The following PHYKPL variants were observed in gnomAD, a reference collection of about 807,000 sequenced individuals.
PHYKPL encodes 5-phosphohydroxy-L-lysine phospho-lyase.
PHYKPL carries 42 observed loss-of-function variants against 51.3 expected under a neutral mutation model. That is an observed-to-expected ratio of 0.82 (90% CI 0.64 to 1.06). The LOEUF is 1.06. PHYKPL is among the 50% of genes least tolerant of loss of function. The pLI is 0.00. For missense variants in PHYKPL, 655 were observed against 586.6 expected (o/e 1.12, Z -1.20); for synonymous variants, 264 against 236.0 (o/e 1.12, Z -1.09).
chr5:178,225,455 T>C, intron 3 of PHYKPL, 26 bp from the exon 4 acceptor site: 1 of 1,613,372 alleles, frequency 6.2e-7, no homozygotes, highest in Non-Finnish European at 8.5e-7. Context: ...TGGGCATGAC[T>C]GAGAGAGTAG....
chr5:178,224,475 G>A lies in PHYKPL; in HGVS notation c.591C>T (p.Val197=). ...TCCTGCCCTTCTCCTGTGCACTGCT[G>A]ACCACACGTTTCACCTCGTTGGCAT... ...MAYANEVKRV[V]SSAQEKGRKI... is the part of the protein sequence containing the mutation. The change falls in exon 6 of 13, where the codon GTC becomes GTT. Residue 197 remains valine, a synonymous_variant. Transcript: ENST00000308158. 1 of 1,603,642 alleles carries A rather than the reference G, an allele frequency of 6.2e-7. No individual in the cohort carries two copies. The highest frequency in any genetic ancestry group is 8.5e-7 in the Non-Finnish European group (1 of 1,174,282).
intron 2 of PHYKPL, 122 bp from the exon 3 acceptor site, chr5:178,230,221 G>A (rs1763107718): frequency 7.9e-7 from 1 of 1,270,204 alleles, no homozygotes; most frequent in Non-Finnish European, 1.1e-6. Context: ...GAGGTAGAAA[G>A]AGGGCAGTCT....
intron 3 of PHYKPL, 110 bp downstream of exon 3, chr5:178,229,830 C>A: frequency 7.2e-7 from 1 of 1,387,970 alleles, no homozygotes. Flanking sequence ...GCAGTGGGGG[C>A]TGCCTCTCCG....
intron 12 of PHYKPL, chr5:178,210,226 C>T: frequency 1.2e-6 from 2 of 1,613,170 alleles, no homozygotes; most frequent in South Asian, 1.1e-5. Context: ...GCGGCTACGA[C>T]TACTCGCCCT....
chr5:178,214,957 C>A, intron 9 of PHYKPL, 72 bp from the exon 10 acceptor site: 2 of 1,425,032 alleles, frequency 1.4e-6, no homozygotes, highest in Non-Finnish European at 9.7e-7. Flanking sequence ...AGCCTCTGGG[C>A]TCCTACCTGT....
intron 8 of PHYKPL, among the ~76,000 whole-genome samples, chr5:178,220,082 G>T (rs1436032483): frequency 6.6e-6 from 1 of 151,354 alleles, no homozygotes; most frequent in East Asian, 2.0e-4. Context: ...GTGGTCCCAG[G>T]TACTTGGCAG....
chr5:178,212,876 GGA>G (rs1345436496), intron 11 of PHYKPL, 95 bp downstream of exon 11: 7 of 1,515,424 alleles, frequency 4.6e-6, no homozygotes, highest in Non-Finnish European at 6.2e-6. Flanking sequence ...CTCTGCTCTT[GGA>G]CTCTTGTCCC....
Position 178,217,960 on chromosome 5 carries a change from G to A in PHYKPL, c.928-2530C>T, listed in dbSNP as rs192862225. Among the ~76,000 whole-genome samples the A allele has an allele frequency of 2.6e-3, 400 of 151,032 alleles. 1 individual carries two copies. The highest frequency in any genetic ancestry group is 7.2e-3 in the African/African-American group (296 of 41,156). ...TGTCTGGGCGCGGTGGCTCACGCCT[G>A]TAATCCCAGCACTTTGGGAGGCCGA... On this transcript the variant is annotated intron_variant, in intron 8 of 12. Transcript: ENST00000308158.
chr5:178,214,890 A>C lies in PHYKPL; in HGVS notation c.1083-5T>G. The C allele has an allele frequency of 6.2e-7, 1 of 1,613,182 alleles. No individual in the cohort carries two copies. Among genetic ancestry groups the C allele is most frequent in the Non-Finnish European group, 8.5e-7 (1 of 1,179,884 alleles). ...CCAATGAAGAGCCCAACACCCCTGC[A>C]AGGGAAGGTGACGACATCTCAGGAG... On this transcript the variant is annotated splice_region_variant and splice_polypyrimidine_tract_variant and intron_variant, in intron 9 of 12. Transcript: ENST00000308158.
At position 178,222,516 on chromosome 5, in the gene PHYKPL, C is replaced by T; in HGVS notation, c.766G>A (p.Gly256Ser). The change falls in exon 8 of 13, where the codon GGC becomes AGC. Residue 256 changes from glycine (G) to serine (S), a missense_variant. Transcript: ENST00000308158. Reference sequence around the variant, plus strand: ...AGCTGGAAGGCCCAGAAGTGCTTGCCTACCCGGCCAAAGCCAACCTGGATC... The same window carrying T: ...AGCTGGAAGGCCCAGAAGTGCTTGCTTACCCGGCCAAAGCCAACCTGGATC... Reference protein sequence around the residue: ...DEIQVGFGRVGKHFWAFQLQG... With the variant: ...DEIQVGFGRVSKHFWAFQLQG... 1.2e-6 allele frequency: 2 copies of T among 1,614,264 alleles called. No individual in the cohort carries two copies. The highest frequency in any genetic ancestry group is 1.1e-5 in the South Asian group (1 of 91,088).
At chr5:178,207,277 C>G (rs1367732087), downstream of PHYKPL, 15 of 1,606,106 alleles carry the variant, frequency 9.3e-6, no homozygotes, top group Non-Finnish European at 1.0e-5. Context: ...AGAGCTGGCC[C>G]TTAGAGGGAT....
rs1401507290 is a variant in PHYKPL, at chr5:178,215,193, TC to T, written c.1082+82del. 3.1e-6 allele frequency: 5 copies of T among 1,592,328 alleles called. No homozygotes were observed. The East Asian group carries it at 6.7e-5, about 21-fold the overall frequency. On this transcript the variant is annotated intron_variant, in intron 9 of 12. Transcript: ENST00000308158. Reference sequence around the variant, plus strand: ...CTTGAGAGCGGACATAACCCCACCATCCCAGGTTGTTAGGAGGTGAAGAAAA... The same window carrying T: ...CTTGAGAGCGGACATAACCCCACCATCCAGGTTGTTAGGAGGTGAAGAAAA...
intron 12 of PHYKPL, chr5:178,210,639 G>A (rs757096275): frequency 9.4e-6 from 15 of 1,601,306 alleles, no homozygotes; most frequent in African/African-American, 4.0e-5. Flanking sequence ...CAGCAGGAGC[G>A]ACCAACTGAT....
At chr5:178,224,126 T>C (rs1314350340) in intron 6 of PHYKPL, among the ~76,000 whole-genome samples, 4 of 152,184 alleles carry the variant, frequency 2.6e-5, no homozygotes, top group African/African-American at 4.8e-5. Flanking sequence ...ACACGGTTCC[T>C]CAGCCACCCA....
At chr5:178,230,482 G>A (rs1346657677) in intron 2 of PHYKPL, 1 of 183,260 alleles carries the variant, frequency 5.5e-6, no homozygotes, top group East Asian at 1.5e-4. Flanking sequence ...TCAGCCTCCT[G>A]AGCAGGTGGG....
chr5:178,211,535 T>C (rs1366673726), intron 12 of PHYKPL: 7 of 229,392 alleles, frequency 3.1e-5, no homozygotes, highest in Non-Finnish European at 6.0e-5. Flanking sequence ...GTGCTCCTCC[T>C]GGCTGGTGAA....
Position 178,229,748 on chromosome 5 carries a change from A to G in PHYKPL, c.338+192T>C, listed in dbSNP as rs1581375737. 2.0e-5 allele frequency: 12 copies of G among 595,090 alleles called. No homozygotes were observed. The East Asian group carries it at 2.0e-4, about 10-fold the overall frequency. The allele number at this position is 595,090 out of a possible 1,614,324, so 36.9% of individuals were successfully genotyped here. ...AGAAAGGAGGTAATAACATCCTTCA[A>G]TAAGAGACAAGGAAACTGGATCCAA... On this transcript the variant is annotated intron_variant, in intron 3 of 12. Coordinates refer to ENST00000308158, the MANE Select transcript of PHYKPL (RefSeq NM_153373.4).
intron 12 of PHYKPL, 150 bp from the exon 13 acceptor site, chr5:178,209,065 T>C (rs1400247025): frequency 2.4e-6 from 1 of 416,222 alleles, no homozygotes; most frequent in Non-Finnish European, 4.5e-6. Context: ...CCCAGTTGCC[T>C]GCCTCCATTA....
chr5:178,224,955 GGTT>G (rs1270385639), intron 4 of PHYKPL: 1 of 570,962 alleles, frequency 1.8e-6, no homozygotes, highest in African/African-American at 1.9e-5. Flanking sequence ...AATCTCTCTC[GGTT>G]GTTTTCTCTG....
Sources: allele counts gnomAD v4.1 joint callset (sites outside exome capture counted in the v4.1 genomes callset), GRCh38; gene constraint gnomAD v4.1.1; transcripts MANE v1.5; gene names NCBI Gene and HGNC (gene_info 2026-07-23, HGNC 2026-07-21).